The following PAPPA2 variants were observed in gnomAD, a reference collection of about 807,000 sequenced individuals.
PAPPA2 encodes the protein pappalysin 2.
Under a neutral mutation model 176.4 loss-of-function variants are expected in PAPPA2, and 86 were observed. The ratio of observed to expected loss-of-function variants is 0.49; its 90% confidence interval spans 0.41 to 0.58. The LOEUF (loss-of-function observed/expected upper bound fraction) is 0.58, where lower values mean the gene tolerates loss of function less well. Ranked by LOEUF, PAPPA2 falls within the 20% of genes least tolerant of loss-of-function variation. The probability of loss-of-function intolerance (pLI) is 0.00; values close to 1 mark genes in which losing one functional copy is unlikely to be tolerated. For synonymous variants in PAPPA2, 809 were observed against 852.2 expected, an observed-to-expected ratio of 0.95 and a Z score of 0.88; for missense variants, 2,073 against 2,256.9, an observed-to-expected ratio of 0.92 and a Z score of 1.65.
chr1:176,716,338 C>T (rs1006647805), intron 12 of PAPPA2, among the ~76,000 whole-genome samples: 3 of 150,598 alleles, frequency 2.0e-5, no homozygotes, highest in Admixed American at 6.6e-5. Flanking sequence ...CTCTGCCTCT[C>T]GGGTTCAAGC....
At chr1:176,507,775 A>G (rs893140260) in intron 1 of PAPPA2, among the ~76,000 whole-genome samples, 3 of 151,992 alleles carry the variant, frequency 2.0e-5, no homozygotes, top group African/African-American at 7.2e-5. Flanking sequence ...GACATTGTGG[A>G]CTACTAGAGG....
chr1:176,527,473 A>T (rs554784506), intron 1 of PAPPA2, among the ~76,000 whole-genome samples: 3 of 152,224 alleles, frequency 2.0e-5, no homozygotes, highest in Non-Finnish European at 4.4e-5. Flanking sequence ...TGTAAGTTCC[A>T]TGAGGAGAGA....
intron 1 of PAPPA2, among the ~76,000 whole-genome samples, chr1:176,530,511 A>G (rs1347748074): frequency 6.6e-6 from 1 of 152,204 alleles, no homozygotes; most frequent in Non-Finnish European, 1.5e-5. Flanking sequence ...CCTAGAGAAC[A>G]CTTGGTAACT....
chr1:176,688,281 C>T (rs1659943100), intron 4 of PAPPA2, among the ~76,000 whole-genome samples: 1 of 152,156 alleles, frequency 6.6e-6, no homozygotes, highest in Non-Finnish European at 1.5e-5. Flanking sequence ...GAAAGCTGTT[C>T]TCTTAGAATT....
intron 3 of PAPPA2, among the ~76,000 whole-genome samples, chr1:176,629,272 TA>T (rs1420157740): frequency 2.0e-5 from 3 of 152,180 alleles, no homozygotes; most frequent in Non-Finnish European, 4.4e-5. Context: ...TGTGATGTGT[TA>T]AAAAAGGTAG....
At chr1:176,619,669 A>G (rs1277465027) in intron 3 of PAPPA2, among the ~76,000 whole-genome samples, 1 of 152,230 alleles carries the variant, frequency 6.6e-6, no homozygotes. Context: ...TAATAAAATT[A>G]AATTGAATAA....
intron 4 of PAPPA2, among the ~76,000 whole-genome samples, chr1:176,689,236 C>T (rs1659985449): frequency 6.6e-6 from 1 of 152,162 alleles, no homozygotes; most frequent in Admixed American, 6.5e-5. Context: ...ATTAGGATTC[C>T]AACAAGCTAC....
intron 14 of PAPPA2, among the ~76,000 whole-genome samples, chr1:176,763,888 G>A (rs1663809299): frequency 6.6e-6 from 1 of 152,134 alleles, no homozygotes; most frequent in Non-Finnish European, 1.5e-5. Context: ...ATAACTGAAT[G>A]CCTGATACTG....
At chr1:176,763,468 CATT>C (rs1436257716) in intron 14 of PAPPA2, among the ~76,000 whole-genome samples, 2 of 152,142 alleles carry the variant, frequency 1.3e-5, no homozygotes, top group Admixed American at 1.3e-4. Context: ...CCCCATTTGT[CATT>C]ATAAAATTTA....
chr1:176,820,034 A>G (rs1666593287), intron 21 of PAPPA2, among the ~76,000 whole-genome samples: 3 of 152,170 alleles, frequency 2.0e-5, no homozygotes, highest in African/African-American at 7.2e-5. Context: ...CCCACACTCC[A>G]TAGGGGGTAC....
intron 17 of PAPPA2, among the ~76,000 whole-genome samples, chr1:176,773,224 T>A (rs1664312737): frequency 6.6e-6 from 1 of 152,192 alleles, no homozygotes; most frequent in African/African-American, 2.4e-5. Context: ...GTAAGCTGAT[T>A]AAATCTTAGT....
intron 9 of PAPPA2, among the ~76,000 whole-genome samples, chr1:176,704,072 C>T (rs1660773209): frequency 1.3e-5 from 2 of 152,120 alleles, no homozygotes; most frequent in African/African-American, 2.4e-5. Context: ...TCCAAGGCAG[C>T]TGTCTGATGG....
intron 1 of PAPPA2, among the ~76,000 whole-genome samples, chr1:176,497,983 T>C (rs1647723022): frequency 6.6e-6 from 1 of 152,214 alleles, no homozygotes; most frequent in Non-Finnish European, 1.5e-5. Flanking sequence ...GTCCTCTTTT[T>C]GTAAGGTAAT....
rs1453852931 is a variant in PAPPA2, at chr1:176,684,327, G to A, written c.2138-5810G>A. On this transcript the variant is annotated intron_variant, in intron 4 of 22. Transcript: ENST00000367662. Reference sequence around the variant, plus strand: ...AAGCTTCCCCTGAGTAAGTATTCCTGGTCTTGTTATCAGTCCGTCGACAGC... The same window carrying A: ...AAGCTTCCCCTGAGTAAGTATTCCTAGTCTTGTTATCAGTCCGTCGACAGC... Among the ~76,000 whole-genome samples, 3 of 152,122 alleles carry A rather than the reference G, an allele frequency of 2.0e-5. No homozygotes were observed. The East Asian group carries it at 5.8e-4, about 29-fold the overall frequency.
At chr1:176,707,381 A>G (rs1241829743) in intron 10 of PAPPA2, among the ~76,000 whole-genome samples, 1 of 152,116 alleles carries the variant, frequency 6.6e-6, no homozygotes, top group Non-Finnish European at 1.5e-5. Context: ...CATCCATTTG[A>G]AAAAGGCCCA....
intron 4 of PAPPA2, among the ~76,000 whole-genome samples, chr1:176,681,240 A>T (rs1004377268): frequency 6.6e-6 from 1 of 152,164 alleles, no homozygotes; most frequent in African/African-American, 2.4e-5. Context: ...CAGAAGCTAC[A>T]TATTTCCGAG....
chr1:176,551,732 A>T lies in PAPPA2; in HGVS notation c.-916-3675A>T, dbSNP rs187928924. Among the ~76,000 whole-genome samples, 7 of 152,344 alleles carry T rather than the reference A, an allele frequency of 4.6e-5. No homozygotes were observed. The East Asian group carries it at 1.3e-3, about 29-fold the overall frequency. On this transcript the variant is annotated intron_variant, in intron 1 of 22. Transcript: ENST00000367662. ...TTTGGGTTGAAATGAAGTGCAGATGATCACAAACAGCCCAATCTTTAGATA... is the reference window on the plus strand; with the variant it reads ...TTTGGGTTGAAATGAAGTGCAGATGTTCACAAACAGCCCAATCTTTAGATA...
At chr1:176,612,979 G>A (rs1269197856) in intron 3 of PAPPA2, among the ~76,000 whole-genome samples, 1 of 152,086 alleles carries the variant, frequency 6.6e-6, no homozygotes, top group South Asian at 2.1e-4. Flanking sequence ...AGGAGTGGAG[G>A]GTGGATGCAG....
At chr1:176,779,255 G>C (rs1664599285) in intron 17 of PAPPA2, among the ~76,000 whole-genome samples, 1 of 151,944 alleles carries the variant, frequency 6.6e-6, no homozygotes, top group Non-Finnish European at 1.5e-5. Context: ...GCTCTTTCTG[G>C]TCTTCGTTTG....
Sources: gnomAD v4.1 joint callset for allele counts (sites outside exome capture counted in the v4.1 genomes callset) on GRCh38, gnomAD v4.1.1 for gene constraint, MANE v1.5 for transcripts, NCBI Gene and HGNC (gene_info 2026-07-23, HGNC 2026-07-21) for gene names.